Variants in AFF4 observed in about 807,000 individuals in gnomAD.
The protein encoded by AFF4 is ALF transcription elongation factor 4, also known as AF4/FMR2 family member 4.
AFF4 carries 13 observed loss-of-function variants against 124.8 expected under a neutral mutation model. The observed-to-expected ratio is 0.10, with a 90% CI of 0.07 to 0.17. The LOEUF is 0.17. AFF4 is among the 10% of genes least tolerant of loss of function. The pLI is 1.00. For synonymous variants in AFF4, 477 were observed against 496.1 expected (o/e 0.96, Z 0.51); for missense variants, 1,092 against 1,403.8 (o/e 0.78, Z 3.55).
intron 1 of AFF4, among the ~76,000 whole-genome samples, chr5:132,959,455 A>G (rs1411842407): frequency 2.0e-5 from 3 of 151,378 alleles, no homozygotes; most frequent in African/African-American, 4.8e-5. Flanking sequence ...AATAGCTGAT[A>G]AAGCAGGTAG....
Position 132,889,118 on chromosome 5 carries a change from G to A in AFF4, c.2693C>T (p.Ser898Phe). 1 of 1,614,064 alleles carries A rather than the reference G, an allele frequency of 6.2e-7. No homozygotes were observed. The highest frequency in any genetic ancestry group is 8.5e-7 in the Non-Finnish European group (1 of 1,179,938). Residue 898 changes from serine to phenylalanine, a missense_variant, in exon 14 of 21, where the codon TCT becomes TTT. Coordinates refer to ENST00000265343, the MANE Select transcript of AFF4 (RefSeq NM_014423.4). Reference sequence around the variant, plus strand: ...AAGCTTTGTTCTCCGAGGCTTAGAAGAATCAAGAGTTGGTGCAGATGGAGG... The same window carrying A: ...AAGCTTTGTTCTCCGAGGCTTAGAAAAATCAAGAGTTGGTGCAGATGGAGG... ...NCPPSAPTLD[S>F]SKPRRTKLVF...
rs992819443 is a variant in AFF4 at position 132,955,693 on chromosome 5, G to A, written c.-5+7566C>T. On this transcript the variant is annotated intron_variant, in intron 1 of 20. Transcript: ENST00000265343. ...CTCAAGAGGCTGAGGCAGGAGAATC[G>A]CTTGAACCCGGAAGGCAGAGGTTGC... 2.7e-5 allele frequency among the ~76,000 whole-genome samples: 4 copies of A among 147,944 alleles called. No homozygotes were observed. In the Admixed American group the frequency reaches 2.8e-4, roughly 10 times the overall value.
At chr5:132,897,826 T>C (rs1410571036) in intron 10 of AFF4, among the ~76,000 whole-genome samples, 2 of 152,180 alleles carry the variant, frequency 1.3e-5, no homozygotes, top group African/African-American at 2.4e-5. Context: ...AATATTTAAT[T>C]CTAGAAAGTA....
At chr5:132,913,255 T>C (rs553020632) in intron 5 of AFF4, among the ~76,000 whole-genome samples, 1 of 152,312 alleles carries the variant, frequency 6.6e-6, no homozygotes, top group African/African-American at 2.4e-5. Flanking sequence ...TAAATGTTTA[T>C]GCACCTAAAA....
intron 5 of AFF4, among the ~76,000 whole-genome samples, chr5:132,906,459 A>C (rs530924265): frequency 6.6e-6 from 1 of 152,350 alleles, no homozygotes; most frequent in African/African-American, 2.4e-5. Flanking sequence ...GTTACATGCT[A>C]CAACTTAGAT....
In AFF4 at chr5:132,878,739, G is replaced by A. The variant is rs1759899263; in HGVS notation, c.*2320C>T. 1 of 225,054 alleles carries A rather than the reference G, an allele frequency of 4.4e-6. No homozygotes were observed. Among genetic ancestry groups the A allele is most frequent in the South Asian group, 1.8e-4 (1 of 5,474 alleles). 13.9% of individuals were successfully genotyped at this position (225,054 alleles called of 1,614,324 possible). On this transcript the variant is annotated 3_prime_UTR_variant, in exon 21 of 21. Transcript: ENST00000265343. ...GTTTTAAAGAGAAAATATTAGAGCA[G>A]CACCATAAACCATGCAGGAAACTCT...
intron 7 of AFF4, 34 bp from the exon 8 acceptor site, chr5:132,899,675 G>T: frequency 6.3e-6 from 10 of 1,578,798 alleles, no homozygotes; most frequent in South Asian, 4.5e-5. Context: ...ATTATTTTTG[G>T]AACAGTTTAC....
At position 132,896,792 on chromosome 5, in the gene AFF4, A is replaced by G; in HGVS notation, c.1838T>C (p.Ile613Thr). 1 of 1,613,992 alleles carries G rather than the reference A, an allele frequency of 6.2e-7. No individual in the cohort carries two copies. Among genetic ancestry groups the G allele is most frequent in the Non-Finnish European group, 8.5e-7 (1 of 1,179,996 alleles). The change falls in exon 11 of 21, where the codon ATA becomes ACA. Residue 613 changes from isoleucine (I) to threonine (T), a missense_variant. By Grantham distance (89) the Ile-to-Thr change is moderately conservative. Transcript: ENST00000265343. Reference protein sequence around the residue: ...AATKGSRKPNIKKESKSSPRP... With the variant: ...AATKGSRKPNTKKESKSSPRP... ...AGGGGAAGACTTAGACTCCTTCTTTATATTGGGTTTCCTTGAGCCTTTGGT... is the reference window on the plus strand; with the variant it reads ...AGGGGAAGACTTAGACTCCTTCTTTGTATTGGGTTTCCTTGAGCCTTTGGT...
chr5:132,910,958 T>C (rs1760780963), intron 5 of AFF4, among the ~76,000 whole-genome samples: 1 of 151,998 alleles, frequency 6.6e-6, no homozygotes, highest in Non-Finnish European at 1.5e-5. Flanking sequence ...CACTGGAAAA[T>C]CTCCCAAGCT....
chr5:132,949,816 C>G (rs779049446), intron 1 of AFF4, among the ~76,000 whole-genome samples: 11 of 144,494 alleles, frequency 7.6e-5, no homozygotes, highest in Non-Finnish European at 1.6e-4. Context: ...GAGCAGAGAT[C>G]GCGCCACTGC....
At chr5:132,944,345 A>T (rs538135664) in intron 1 of AFF4, among the ~76,000 whole-genome samples, 1 of 149,484 alleles carries the variant, frequency 6.7e-6, no homozygotes, top group African/African-American at 2.4e-5. Context: ...TCCAAAAAAA[A>T]ACAGAGGATA....
intron 1 of AFF4, among the ~76,000 whole-genome samples, chr5:132,957,812 C>T (rs1172247301): frequency 6.6e-6 from 1 of 152,056 alleles, no homozygotes; most frequent in East Asian, 1.9e-4. Flanking sequence ...CATGAAACCA[C>T]TGGGATCTCA....
rs1265988433 is a variant in AFF4 at position 132,875,473 on chromosome 5, A to G, written c.*5586T>C. ...GTTTGGCATTGTACAAAGCATCTTAATGACACAGTAGAGTTAAAAAGATCT... is the reference window on the plus strand; with the variant it reads ...GTTTGGCATTGTACAAAGCATCTTAGTGACACAGTAGAGTTAAAAAGATCT... On this transcript the variant is annotated 3_prime_UTR_variant, in exon 21 of 21. Coordinates refer to ENST00000265343, the MANE Select transcript of AFF4 (RefSeq NM_014423.4). 5.4e-6 allele frequency: 1 copy of G among 184,524 alleles called. No homozygotes were observed. The highest frequency in any genetic ancestry group is 2.3e-5 in the African/African-American group (1 of 42,562). The allele number at this position is 184,524 out of a possible 1,614,324, so 11.4% of individuals were successfully genotyped here.
chr5:132,948,953 T>C (rs1486125188), intron 1 of AFF4, among the ~76,000 whole-genome samples: 4 of 152,126 alleles, frequency 2.6e-5, no homozygotes, highest in Admixed American at 1.3e-4. Context: ...ACTGTGCTGA[T>C]TCCACACAAT....
chr5:132,938,932 G>T (rs1761498355), intron 1 of AFF4, among the ~76,000 whole-genome samples: 2 of 85,756 alleles, frequency 2.3e-5, no homozygotes, highest in African/African-American at 1.0e-4. Flanking sequence ...GACAGAGAGA[G>T]ACTCATCTCA....
intron 1 of AFF4, among the ~76,000 whole-genome samples, chr5:132,944,293 T>TTGCAGTGAGCTGAGATCGC (rs1253464203): frequency 6.6e-6 from 1 of 151,158 alleles, no homozygotes; most frequent in South Asian, 2.1e-4. Flanking sequence ...GCCGAGATCG[T>TTGCAGTGAGCTGAGATCGC]GCCGCTGCAC....
intron 6 of AFF4, among the ~76,000 whole-genome samples, chr5:132,902,724 C>T (rs1461670066): frequency 6.6e-6 from 1 of 152,172 alleles, no homozygotes; most frequent in Non-Finnish European, 1.5e-5. Context: ...GAAGGGCAAT[C>T]TGGTAATACC....
chr5:132,961,019 C>T lies in AFF4; in HGVS notation c.-5+2240G>A, dbSNP rs761309504. On this transcript the variant is annotated intron_variant, in intron 1 of 20. Transcript: ENST00000265343. ...CGTGTGGATCACGAGGTCAGGAGTT[C>T]GAGACCAGTCTGACCAACCTGCTGA... Among the ~76,000 whole-genome samples, 10 of 151,790 alleles carry T rather than the reference C, an allele frequency of 6.6e-5. No individual in the cohort carries two copies. The South Asian group carries it at 8.3e-4, about 13-fold the overall frequency.
At chr5:132,910,005 C>T (rs1018585130) in intron 5 of AFF4, among the ~76,000 whole-genome samples, 1 of 152,232 alleles carries the variant, frequency 6.6e-6, no homozygotes, top group Non-Finnish European at 1.5e-5. Flanking sequence ...CACACAACTA[C>T]ACATCCAATT....
Sources: allele counts gnomAD v4.1 joint callset (sites outside exome capture counted in the v4.1 genomes callset), GRCh38; gene constraint gnomAD v4.1.1; transcripts MANE v1.5; gene names NCBI Gene and HGNC (gene_info 2026-07-23, HGNC 2026-07-21).